SCLT1: variants seen among roughly 807,000 people sequenced by gnomAD.
The protein encoded by SCLT1 is sodium channel and clathrin linker 1.
Under a neutral mutation model 112.8 loss-of-function variants are expected in SCLT1, and 78 were observed. That is an observed-to-expected ratio of 0.69 (90% CI 0.58 to 0.83). The LOEUF (loss-of-function observed/expected upper bound fraction) is 0.83, where lower values mean the gene tolerates loss of function less well. Among genes scored for constraint, SCLT1 ranks in the 40% least tolerant of loss-of-function variants. The pLI is 0.00. For synonymous variants in SCLT1, 257 were observed against 254.7 expected (o/e 1.01, Z -0.09); for missense variants, 747 against 770.4 (o/e 0.97, Z 0.36).
At chr4:129,060,687 G>A (rs1181134950) in intron 2 of SCLT1, among the ~76,000 whole-genome samples, 1 of 152,102 alleles carries the variant, frequency 6.6e-6, no homozygotes, top group Non-Finnish European at 1.5e-5. Context: ...TTAATGTCAA[G>A]TATTCTTGGG....
At chr4:129,068,155 C>G (rs1410106783) in intron 2 of SCLT1, among the ~76,000 whole-genome samples, 1 of 152,190 alleles carries the variant, frequency 6.6e-6, no homozygotes. Flanking sequence ...CAGGTTGCTG[C>G]AAATGCCATT....
chr4:128,881,347 G>A (rs141073772), downstream of SCLT1, among the ~76,000 whole-genome samples: 587 of 152,248 alleles, frequency 3.9e-3, 2 homozygotes, highest in Non-Finnish European at 5.2e-3. Flanking sequence ...ATAGTAAAAT[G>A]TTTAAAGTGT....
intron 5 of SCLT1, among the ~76,000 whole-genome samples, chr4:129,033,628 C>T (rs1225152235): frequency 6.6e-6 from 1 of 150,618 alleles, no homozygotes; most frequent in East Asian, 2.0e-4. Context: ...ATAATGCGCT[C>T]AGGAATGCCT....
At chr4:128,993,652 T>C (rs989193793) in intron 8 of SCLT1, among the ~76,000 whole-genome samples, 1 of 152,074 alleles carries the variant, frequency 6.6e-6, no homozygotes, top group Non-Finnish European at 1.5e-5. Context: ...ATTAGGAGAC[T>C]CGAGAAGGTG....
At chr4:128,914,861 A>T (rs754309591) in intron 18 of SCLT1, among the ~76,000 whole-genome samples, 1 of 152,186 alleles carries the variant, frequency 6.6e-6, no homozygotes, top group Non-Finnish European at 1.5e-5. Flanking sequence ...TCAGTATTCA[A>T]ATGAATTAAG....
intron 9 of SCLT1, among the ~76,000 whole-genome samples, chr4:128,987,382 G>T (rs755898953): frequency 1.6e-4 from 24 of 152,198 alleles, no homozygotes; most frequent in Non-Finnish European, 2.6e-4. Context: ...TAGAGTGACG[G>T]AGATATGTGA....
intron 16 of SCLT1, among the ~76,000 whole-genome samples, chr4:128,945,492 T>A (rs1182848636): frequency 6.6e-6 from 1 of 152,164 alleles, no homozygotes; most frequent in East Asian, 1.9e-4. Context: ...TAAAAATATA[T>A]TTTGAACACA....
chr4:128,994,964 C>T (rs1299804876), intron 8 of SCLT1, among the ~76,000 whole-genome samples: 1 of 152,068 alleles, frequency 6.6e-6, no homozygotes, highest in African/African-American at 2.4e-5. Flanking sequence ...TATTTTGTCC[C>T]ATTCCATAGG....
rs767975054 is a variant in SCLT1 at position 128,936,721 on chromosome 4, G to A, written c.1763C>T (p.Ala588Val). The A allele has an allele frequency of 1.2e-6, 2 of 1,611,418 alleles. No homozygotes were observed. Among genetic ancestry groups the A allele is most frequent in the Admixed American group, 3.4e-5 (2 of 59,552 alleles). The change falls in exon 18 of 21, where the codon GCC becomes GTC. Residue 588 changes from alanine to valine, a missense_variant. By Grantham distance (64) the Ala-to-Val change is moderately conservative. This residue lies in a region of SCLT1 where 723 missense variants were observed against 721.3 expected (regional missense o/e 1.00). Coordinates refer to ENST00000281142, the MANE Select transcript of SCLT1 (RefSeq NM_144643.4). ...RHLLATQQKA[A>V]NRWKEETKKL... ...CTTCGTTTCTTCTTTCCACCTATTG[G>A]CTGCCTTCTGTTGAGTCGCTAGGAG...
chr4:129,088,011 C>T (rs999489427), intron 1 of SCLT1, among the ~76,000 whole-genome samples: 1 of 151,480 alleles, frequency 6.6e-6, no homozygotes, highest in Non-Finnish European at 1.5e-5. Flanking sequence ...CGCTTGAGCC[C>T]AGGAGGTTGA....
intron 5 of SCLT1, among the ~76,000 whole-genome samples, chr4:129,019,759 G>T (rs1745296374): frequency 6.6e-6 from 1 of 151,966 alleles, no homozygotes; most frequent in South Asian, 2.1e-4. Context: ...CCTCCTTGGT[G>T]AAAATAGCCA....
At chr4:128,883,441 G>C (rs901188027), downstream of SCLT1, among the ~76,000 whole-genome samples, 1 of 152,032 alleles carries the variant, frequency 6.6e-6, no homozygotes, top group Non-Finnish European at 1.5e-5. Flanking sequence ...AGCATTAGGA[G>C]AAATACCTAA....
chr4:129,074,611 T>C (rs1198372310), intron 2 of SCLT1, among the ~76,000 whole-genome samples: 1 of 152,160 alleles, frequency 6.6e-6, no homozygotes, highest in African/African-American at 2.4e-5. Context: ...TAAAACAAAA[T>C]TTAAAAAAGC....
chr4:128,990,356 T>C (rs948544005), intron 9 of SCLT1, among the ~76,000 whole-genome samples: 1 of 151,968 alleles, frequency 6.6e-6, no homozygotes, highest in African/African-American at 2.4e-5. Flanking sequence ...ATAATTTCAA[T>C]TGATGCTGAA....
At chr4:128,898,995 A>C (rs991526731) in intron 18 of SCLT1, among the ~76,000 whole-genome samples, 1 of 152,218 alleles carries the variant, frequency 6.6e-6, no homozygotes, top group African/African-American at 2.4e-5. Flanking sequence ...TTCTCTGAAT[A>C]GACCAATAAC....
intron 18 of SCLT1, among the ~76,000 whole-genome samples, chr4:128,898,512 A>G (rs1298984642): frequency 2.6e-5 from 4 of 152,214 alleles, no homozygotes; most frequent in Non-Finnish European, 4.4e-5. Flanking sequence ...TCTCTGGGAC[A>G]CATTCAAAGC....
Position 128,936,767 on chromosome 4 carries a change from A to G in SCLT1, c.1717T>C (p.Ser573Pro). Residue 573 changes from serine to proline, a missense_variant, in exon 18 of 21, where the codon TCC (serine) becomes CCC (proline). Physicochemically the swap from Ser to Pro is moderately conservative, Grantham distance 74. Transcript: ENST00000281142. ...LREMEDSNRN[S>P]IVELRHLLAT... The stretch of plus-strand genomic sequence containing the variant: ...AGGAGATGCCTCAGTTCAACAATGG[A>G]ATTTCTATTACTGTCTTCCATCTCT... The G allele has an allele frequency of 6.2e-7, 1 of 1,610,210 alleles. No homozygotes were observed. Among genetic ancestry groups the G allele is most frequent in the Non-Finnish European group, 8.5e-7 (1 of 1,176,738 alleles).
intron 10 of SCLT1, among the ~76,000 whole-genome samples, chr4:128,966,333 T>C (rs959633475): frequency 4.6e-5 from 7 of 152,112 alleles, no homozygotes; most frequent in African/African-American, 1.7e-4. Context: ...TAGTGGTTGC[T>C]GTAGAGATTA....
chr4:128,964,080 T>G (rs1169990123), intron 11 of SCLT1, among the ~76,000 whole-genome samples: 1 of 152,184 alleles, frequency 6.6e-6, no homozygotes, highest in Admixed American at 6.5e-5. Flanking sequence ...GTGGCTCAAC[T>G]TGTACAAAGA....
Sources: allele counts gnomAD v4.1 joint callset (sites outside exome capture counted in the v4.1 genomes callset), GRCh38; gene constraint gnomAD v4.1.1; regional missense constraint gnomAD v4.1.1; transcripts MANE v1.5; gene names NCBI Gene and HGNC (gene_info 2026-07-23, HGNC 2026-07-21).